The following XKR3 variants were observed in gnomAD, a reference collection of about 807,000 sequenced individuals.
The protein encoded by XKR3 is XK related 3.
Under a neutral mutation model 40.3 loss-of-function variants are expected in XKR3, and 27 were observed. That is an observed-to-expected ratio of 0.67 (90% confidence interval 0.49 to 0.92). The LOEUF is 0.92. XKR3 is among the 40% of genes least tolerant of loss of function. The pLI is 0.00. For missense variants in XKR3, 472 were observed against 537.6 expected (o/e 0.88, Z 1.21); for synonymous variants, 193 against 195.4 (o/e 0.99, Z 0.10).
Position 16,808,070 on chromosome 22 carries a change from C to A in XKR3, c.4G>T (p.Glu2Ter). Residue 2 changes from glutamate (E) to a stop codon, truncating the protein, a stop_gained, in exon 2 of 4, where the codon GAG becomes TAG. Coordinates refer to ENST00000684488, the MANE Select transcript of XKR3 (RefSeq NM_001386955.1). LOFTEE classifies it high-confidence loss of function. M[E>*]TVFEEMDEES... Reference sequence around the variant, plus strand: ...TCATCCATCTCTTCAAACACTGTCTCCATTCTCAGGGTGCTGCTAATTCAA... The same window carrying A: ...TCATCCATCTCTTCAAACACTGTCTACATTCTCAGGGTGCTGCTAATTCAA... 6.3e-7 allele frequency: 1 copy of A among 1,594,972 alleles called. No individual in the cohort carries two copies.
intron 2 of XKR3, among the ~76,000 whole-genome samples, chr22:16,806,260 C>CAAAAAAA (rs59631397): frequency 0.027 from 3,604 of 131,676 alleles, 162 homozygotes; most frequent in African/African-American, 0.096. Context: ...TAGTTCATCT[C>CAAAAAAA]AAAAAAAAAA....
chr22:16,799,689 T>C, intron 3 of XKR3, 82 bp downstream of exon 3: 2 of 1,474,660 alleles, frequency 1.4e-6, no homozygotes, highest in Non-Finnish European at 1.8e-6. Context: ...TGGGATTACA[T>C]ATTTCAACTT....
intron 3 of XKR3, among the ~76,000 whole-genome samples, chr22:16,799,428 A>AAAAAAAAAAAAAAAAAAAAAAAC (rs2060157626): frequency 1.4e-5 from 2 of 147,124 alleles, no homozygotes; most frequent in African/African-American, 2.5e-5. Flanking sequence ...AAAAAAAAAA[A>AAAAAAAAAAAAAAAAAAAAAAAC]AAAAAAGCAA....
intron 3 of XKR3, among the ~76,000 whole-genome samples, chr22:16,785,366 T>C (rs73159882): frequency 0.084 from 12,788 of 152,096 alleles, 706 homozygotes; most frequent in Non-Finnish European, 0.13. Context: ...TGTGTGATTG[T>C]ATGTATCCAT....
intron 2 of XKR3, 55 bp from the exon 3 acceptor site, chr22:16,800,079 A>C: frequency 6.4e-7 from 1 of 1,566,842 alleles, no homozygotes; most frequent in East Asian, 2.3e-5. Context: ...AGACATCTAG[A>C]AATATTTGAA....
intron 1 of XKR3, among the ~76,000 whole-genome samples, chr22:16,809,858 A>G (rs1163496664): frequency 6.6e-6 from 1 of 152,112 alleles, no homozygotes; most frequent in Non-Finnish European, 1.5e-5. Flanking sequence ...TCCCAAGCTC[A>G]AGCGATCTTT....
intron 3 of XKR3, 88 bp from the exon 4 acceptor site, chr22:16,784,497 T>G (rs2060081790): frequency 1.6e-6 from 2 of 1,219,896 alleles, no homozygotes; most frequent in Admixed American, 2.9e-5. Context: ...TTAAGATATA[T>G]TCTTCCTCAC....
intron 1 of XKR3, among the ~76,000 whole-genome samples, chr22:16,816,587 A>AGT: frequency 6.6e-6 from 1 of 151,914 alleles, no homozygotes; most frequent in African/African-American, 2.4e-5. Flanking sequence ...AAAAAATAAA[A>AGT]ATAATAGGTT....
chr22:16,818,689 G>A lies in XKR3; in HGVS notation c.-11+6602C>T, dbSNP rs146778540. ...CTGATTCCCTCTAAAGTCAGAGGAG[G>A]CAGCTAATCTTCTATTTCCCAACCA... On this transcript the variant is annotated intron_variant, in intron 1 of 3. Transcript: ENST00000684488. Among the ~76,000 whole-genome samples the A allele has an allele frequency of 9.1e-3, 1,382 of 152,204 alleles. 11 individuals carry two copies. Among genetic ancestry groups the A allele is most frequent in the Non-Finnish European group, 0.014 (922 of 68,002 alleles).
At chr22:16,790,359 T>C (rs1389871269) in intron 3 of XKR3, among the ~76,000 whole-genome samples, 1 of 114,158 alleles carries the variant, frequency 8.8e-6, no homozygotes, top group Non-Finnish European at 1.8e-5. Context: ...AAAAAAAAAA[T>C]CAGAGTGATA....
intron 1 of XKR3, among the ~76,000 whole-genome samples, chr22:16,820,772 G>A (rs1018299837): frequency 2.0e-5 from 3 of 152,080 alleles, no homozygotes; most frequent in Non-Finnish European, 4.4e-5. Flanking sequence ...TGTGATGACA[G>A]GTAAATAATA....
Position 16,811,645 on chromosome 22 carries a change from C to A in XKR3, c.-10-3562G>T, listed in dbSNP as rs540658896. Among the ~76,000 whole-genome samples the A allele has an allele frequency of 3.3e-5, 5 of 152,244 alleles. No homozygotes were observed. The South Asian group carries it at 1.0e-3, about 32-fold the overall frequency. ...TTATATTCTTCACGTGTACGCTGAA[C>A]AATTTATAATTTAATGTTGGTACTG... On this transcript the variant is annotated intron_variant, in intron 1 of 3. Transcript: ENST00000684488.
At chr22:16,806,469 G>T (rs1344587827) in intron 2 of XKR3, among the ~76,000 whole-genome samples, 8 of 129,374 alleles carry the variant, frequency 6.2e-5, no homozygotes, top group Admixed American at 8.0e-5. Context: ...TATAGTTAAG[G>T]TTTTTTTTTT....
At chr22:16,824,396 T>C (rs2060266605) in intron 1 of XKR3, among the ~76,000 whole-genome samples, 1 of 151,890 alleles carries the variant, frequency 6.6e-6, no homozygotes, top group South Asian at 2.1e-4. Flanking sequence ...GTTAAATACC[T>C]AGTAAATAGA....
chr22:16,792,724 G>T (rs1212429508), intron 3 of XKR3, among the ~76,000 whole-genome samples: 1 of 152,178 alleles, frequency 6.6e-6, no homozygotes, highest in Non-Finnish European at 1.5e-5. Flanking sequence ...GACATCTGAT[G>T]TCAAATGACA....
intron 3 of XKR3, among the ~76,000 whole-genome samples, chr22:16,789,079 A>C (rs2146141836): frequency 6.6e-6 from 1 of 152,310 alleles, no homozygotes; most frequent in Admixed American, 6.5e-5. Flanking sequence ...TGGGAGTTCA[A>C]AGTTGAAAGC....
chr22:16,788,496 T>C (rs1038394151), intron 3 of XKR3, among the ~76,000 whole-genome samples: 6 of 151,524 alleles, frequency 4.0e-5, no homozygotes, highest in African/African-American at 1.5e-4. Flanking sequence ...CAATAAAAAG[T>C]TACCCATTAA....
intron 3 of XKR3, among the ~76,000 whole-genome samples, chr22:16,796,811 T>C (rs1421882532): frequency 6.6e-6 from 1 of 152,170 alleles, no homozygotes; most frequent in African/African-American, 2.4e-5. Flanking sequence ...TAGAAAAAAT[T>C]CTATTCTAAA....
intron 1 of XKR3, among the ~76,000 whole-genome samples, chr22:16,815,981 C>G (rs1412290738): frequency 1.3e-5 from 2 of 151,610 alleles, no homozygotes; most frequent in African/African-American, 4.8e-5. Flanking sequence ...TTCTAAAATT[C>G]TCTTCTGTCT....
Sources: allele counts gnomAD v4.1 joint callset (sites outside exome capture counted in the v4.1 genomes callset), GRCh38; gene constraint gnomAD v4.1.1; transcripts MANE v1.5; gene names NCBI Gene and HGNC (gene_info 2026-07-23, HGNC 2026-07-21).